Variants in CASS4 observed in about 807,000 individuals in gnomAD.
CASS4 encodes cas scaffolding protein family member 4.
In CASS4, 22 loss-of-function variants were observed where a neutral mutation model predicts 54.2. The ratio of observed to expected loss-of-function variants is 0.41; its 90% confidence interval spans 0.29 to 0.58. CASS4 has a LOEUF of 0.58. CASS4 is among the 20% of genes least tolerant of loss of function. The pLI is 0.36. For missense variants in CASS4, 854 were observed against 986.7 expected, an observed-to-expected ratio of 0.87 and a Z score of 1.80; for synonymous variants, 409 against 391.5, an observed-to-expected ratio of 1.04 and a Z score of -0.53.
intron 1 of CASS4, among the ~76,000 whole-genome samples, chr20:56,424,433 G>A (rs1013858666): frequency 1.3e-5 from 2 of 151,988 alleles, no homozygotes; most frequent in African/African-American, 4.8e-5. Flanking sequence ...ATTCATGGGG[G>A]AAAAGAAAAG....
rs1980700466 is a variant in CASS4, at chr20:56,446,103, C to G, written c.561+102C>G. 4.0e-6 allele frequency: 3 copies of G among 744,568 alleles called. No homozygotes were observed. The African/African-American group carries it at 5.3e-5, about 13-fold the overall frequency. 46.1% of individuals were successfully genotyped at this position (744,568 alleles called of 1,614,324 possible). ...TTGCATTTCAGCATTACCATGGCGGCCAGGGGCTCAGCCTCCAGAATACAC... is the reference window on the plus strand; with the variant it reads ...TTGCATTTCAGCATTACCATGGCGGGCAGGGGCTCAGCCTCCAGAATACAC... On this transcript the variant is annotated intron_variant, in intron 3 of 5. Transcript: ENST00000679887.
chr20:56,419,729 C>T (rs913907372), intron 1 of CASS4, among the ~76,000 whole-genome samples: 4 of 151,460 alleles, frequency 2.6e-5, no homozygotes, highest in African/African-American at 9.7e-5. Flanking sequence ...CCGTGCCCGG[C>T]TAGGCTCTGC....
rs770559511 is a variant in CASS4, at chr20:56,445,864, T to C, written c.460-36T>C. 14 of 1,476,214 alleles carry C rather than the reference T, an allele frequency of 9.5e-6. No homozygotes were observed. In the Admixed American group the frequency reaches 2.2e-4, roughly 23 times the overall value. The allele number at this position is 1,476,214 out of a possible 1,614,324, so 91.4% of individuals were successfully genotyped here. On this transcript the variant is annotated intron_variant, in intron 2 of 5. Coordinates refer to ENST00000679887, the MANE Select transcript of CASS4 (RefSeq NM_020356.4). ...CCTGATTGTGATCATCAGAGTGACA[T>C]TTCCTTTTCCTCTTTTCTCCTCCTT...
rs1412879823 is a variant in CASS4 at position 56,459,019 on chromosome 20, G to A, written c.*272G>A. On this transcript the variant is annotated 3_prime_UTR_variant, in exon 6 of 6. Coordinates refer to ENST00000679887, the MANE Select transcript of CASS4 (RefSeq NM_020356.4). ...AGTATCAGCTTGAAGTGACTTCGCA[G>A]AAATAATATTTTATATTGATTAAAT... The A allele has an allele frequency of 5.2e-6, 2 of 387,028 alleles. No homozygotes were observed. Among genetic ancestry groups the A allele is most frequent in the Non-Finnish European group, 9.3e-6 (2 of 214,146 alleles). The allele number at this position is 387,028 out of a possible 1,614,324, so 24.0% of individuals were successfully genotyped here. A position where few individuals can be genotyped will look rare whatever the true frequency, so the allele number is the denominator to read the frequency against.
intron 1 of CASS4, among the ~76,000 whole-genome samples, chr20:56,433,238 G>A (rs140764617): frequency 0.012 from 1,855 of 152,312 alleles, 15 homozygotes; most frequent in Admixed American, 0.025. Flanking sequence ...GAGGGTGTCA[G>A]GGACCCTTTT....
intron 1 of CASS4, among the ~76,000 whole-genome samples, chr20:56,425,639 G>A (rs572166702): frequency 6.6e-6 from 1 of 152,338 alleles, no homozygotes; most frequent in Non-Finnish European, 1.5e-5. Context: ...GGCTTGCGTG[G>A]TAACGACAAG....
chr20:56,452,424 A>G lies in CASS4; in HGVS notation c.1248A>G (p.Thr416=). Residue 416 remains threonine, a synonymous_variant, in exon 5 of 6, where the codon ACA becomes ACG. Transcript: ENST00000679887. Reference sequence around the variant, plus strand: ...GCATCGTTTCCTCGTGCTCCACCACATCCACCGACGACTCCTCCAGCTCTT... The same window carrying G: ...GCATCGTTTCCTCGTGCTCCACCACGTCCACCGACGACTCCTCCAGCTCTT... The part of the protein sequence containing the change: ...RASIVSSCST[T]STDDSSSSSS... 4 of 1,614,064 alleles carry G rather than the reference A, an allele frequency of 2.5e-6. No homozygotes were observed. Among genetic ancestry groups the G allele is most frequent in the Non-Finnish European group, 3.4e-6 (4 of 1,179,996 alleles).
rs1238212992 is a variant in CASS4 at position 56,437,511 on chromosome 20, C to T, written c.384C>T (p.Ala128=). The T allele has an allele frequency of 1.3e-6, 2 of 1,593,620 alleles. No homozygotes were observed. Among genetic ancestry groups the T allele is most frequent in the Non-Finnish European group, 1.7e-6 (2 of 1,170,144 alleles). The change falls in exon 2 of 6, where the codon GCC becomes GCT. Residue 128 remains alanine, a synonymous_variant. Coordinates refer to ENST00000679887, the MANE Select transcript of CASS4 (RefSeq NM_020356.4). This position sits in a 1 kb window ranked among gnomAD's most constrained non-coding sequence, Gnocchi z 4.7. ...CGGAGGGGCCCCAGCCCCCTACTGCCCAAGTCTATGAATTCCCCGACCCTC... is the reference window on the plus strand; with the variant it reads ...CGGAGGGGCCCCAGCCCCCTACTGCTCAAGTCTATGAATTCCCCGACCCTC... ...SWAEGPQPPT[A]QVYEFPDPPT...
intron 1 of CASS4, among the ~76,000 whole-genome samples, chr20:56,436,374 G>GTATA (rs60742243): frequency 3.8e-4 from 51 of 135,560 alleles, no homozygotes; most frequent in African/African-American, 1.0e-3. Context: ...ATATATATAT[G>GTATA]TATATATATA....
At chr20:56,443,657 G>A (rs893770193) in intron 2 of CASS4, among the ~76,000 whole-genome samples, 18 of 152,062 alleles carry the variant, frequency 1.2e-4, no homozygotes, top group Admixed American at 2.6e-4. Flanking sequence ...ATCGTGATGG[G>A]ATGGGGAAAG....
At chr20:56,453,558 G>A in intron 5 of CASS4, 1 of 164,636 alleles carries the variant, frequency 6.1e-6, no homozygotes, top group Non-Finnish European at 1.3e-5. Context: ...AATTGCCCAT[G>A]GTCTGATCAG....
At chr20:56,457,975 A>G (rs527682620) in intron 5 of CASS4, among the ~76,000 whole-genome samples, 11 of 149,128 alleles carry the variant, frequency 7.4e-5, no homozygotes, top group African/African-American at 1.5e-4. Flanking sequence ...AGATTGCACC[A>G]TTGCACTCCA....
At chr20:56,446,453 A>G (rs534434163) in intron 3 of CASS4, among the ~76,000 whole-genome samples, 1 of 152,276 alleles carries the variant, frequency 6.6e-6, no homozygotes, top group Non-Finnish European at 1.5e-5. Context: ...TTTTTAAATG[A>G]TATTTTGAAG....
intron 3 of CASS4, among the ~76,000 whole-genome samples, chr20:56,446,256 G>GT (rs900058385): frequency 6.6e-6 from 1 of 152,096 alleles, no homozygotes; most frequent in Non-Finnish European, 1.5e-5. Context: ...ATAATAGATT[G>GT]TTTTTTCTTT....
intron 1 of CASS4, among the ~76,000 whole-genome samples, chr20:56,427,272 A>T (rs1164214447): frequency 6.6e-6 from 1 of 151,638 alleles, no homozygotes; most frequent in Admixed American, 6.6e-5. Flanking sequence ...GTGTCTGTAG[A>T]TACTTTGATT....
chr20:56,450,067 C>T (rs568274762), intron 3 of CASS4, among the ~76,000 whole-genome samples: 43 of 151,728 alleles, frequency 2.8e-4, no homozygotes, highest in South Asian at 1.5e-3. Flanking sequence ...GTTTCGCTCC[C>T]GTTGCCCAGG....
chr20:56,453,718 G>C (rs913442448), intron 5 of CASS4: 1 of 152,488 alleles, frequency 6.6e-6, no homozygotes, highest in African/African-American at 2.4e-5. Flanking sequence ...TGAGACCCCA[G>C]CTGTACAAAA....
intron 3 of CASS4, among the ~76,000 whole-genome samples, chr20:56,448,326 A>G (rs1980826778): frequency 2.0e-5 from 3 of 152,054 alleles, no homozygotes; most frequent in Admixed American, 2.0e-4. Context: ...TACTATGATG[A>G]TTGAGTTTTT....
At chr20:56,434,411 G>C (rs1011399323) in intron 1 of CASS4, among the ~76,000 whole-genome samples, 1 of 152,036 alleles carries the variant, frequency 6.6e-6, no homozygotes, top group African/African-American at 2.4e-5. Context: ...AATGTTTATT[G>C]ACACGGAAAG....
Sources: allele counts gnomAD v4.1 joint callset (sites outside exome capture counted in the v4.1 genomes callset), GRCh38; gene constraint gnomAD v4.1.1; non-coding constraint Gnocchi (gnomAD v3.1); transcripts MANE v1.5; gene names NCBI Gene and HGNC (gene_info 2026-07-23, HGNC 2026-07-21).